The following HDAC9 variants were observed in gnomAD, a reference collection of about 807,000 sequenced individuals.
HDAC9 encodes the protein MEF-2 interacting transcription repressor (MITR) protein.
Under a neutral mutation model 139.4 loss-of-function variants are expected in HDAC9, and 41 were observed. The ratio of observed to expected loss-of-function variants is 0.29; its 90% CI spans 0.23 to 0.38. The LOEUF (loss-of-function observed/expected upper bound fraction) is 0.38, where lower values mean the gene tolerates loss of function less well. Among genes scored for constraint, HDAC9 ranks in the 10% least tolerant of loss-of-function variants. The pLI is 1.00. For synonymous variants in HDAC9, 517 were observed against 476.2 expected (o/e 1.09, Z -1.12); for missense variants, 1,147 against 1,297.0 (o/e 0.88, Z 1.78).
upstream of HDAC9, among the ~76,000 whole-genome samples, chr7:18,287,366 G>C (rs923901966): frequency 6.6e-6 from 1 of 151,990 alleles, no homozygotes; most frequent in African/African-American, 2.4e-5. Context: ...ATACAATAGG[G>C]GATCAAAGTA....
chr7:18,658,172 C>T (rs768405521), intron 11 of HDAC9, among the ~76,000 whole-genome samples: 54 of 152,204 alleles, frequency 3.5e-4, no homozygotes, highest in Admixed American at 3.3e-4. Flanking sequence ...CCTATCACTT[C>T]GAGTTTCATT....
At chr7:18,968,475 A>C (rs1784028748) in intron 24 of HDAC9, among the ~76,000 whole-genome samples, 1 of 152,156 alleles carries the variant, frequency 6.6e-6, no homozygotes, top group African/African-American at 2.4e-5. Flanking sequence ...AAGATATCTA[A>C]TGTTCCATAC....
intron 6 of HDAC9, among the ~76,000 whole-genome samples, chr7:18,618,090 A>C (rs1261939559): frequency 6.6e-6 from 1 of 152,196 alleles, no homozygotes. Context: ...ATTGGCTAAA[A>C]ATTTTCAGAT....
rs984156452 is a variant in HDAC9, at chr7:18,762,051, T to C, written c.2044-106T>C. On this transcript the variant is annotated intron_variant, in intron 14 of 25. Coordinates refer to ENST00000686413, the MANE Select transcript of HDAC9 (RefSeq NM_178425.4). ...AGCAAATCAGTGTCACATTCCTACA[T>C]GATGAAATTCAGCCCATTATTAATC... 7.6e-6 allele frequency: 9 copies of C among 1,190,850 alleles called. No homozygotes were observed. In the African/African-American group the frequency reaches 1.2e-4, roughly 16 times the overall value. 73.8% of individuals were successfully genotyped at this position (1,190,850 alleles called of 1,614,324 possible).
intron 1 of HDAC9, among the ~76,000 whole-genome samples, chr7:18,122,449 A>G (rs1470151020): frequency 6.6e-6 from 1 of 152,208 alleles, no homozygotes. Context: ...TTCATTTTAT[A>G]GCTGAAGAAA....
At chr7:18,458,933 T>C (rs1265374839) in intron 1 of HDAC9, 1 of 1,459,486 alleles carries the variant, frequency 6.9e-7, no homozygotes, top group African/African-American at 1.4e-5. Context: ...TTTCTTTGGT[T>C]TCTTGGGAGT....
In HDAC9 at chr7:18,934,430, T is replaced by C. The variant is rs150930693; in HGVS notation, c.2804-1379T>C. On this transcript the variant is annotated intron_variant, in intron 22 of 25. Coordinates refer to ENST00000686413, the MANE Select transcript of HDAC9 (RefSeq NM_178425.4). ...ATCCAGGTGTGTACTAAAAAGATAATACATTATGACCAAGCTTATTTTACT... is the reference window on the plus strand; with the variant it reads ...ATCCAGGTGTGTACTAAAAAGATAACACATTATGACCAAGCTTATTTTACT... Among the ~76,000 whole-genome samples, 121 of 152,232 alleles carry C rather than the reference T, an allele frequency of 7.9e-4. No homozygotes were observed. In the East Asian group the frequency reaches 0.013, roughly 17 times the overall value.
intron 12 of HDAC9, among the ~76,000 whole-genome samples, chr7:18,701,828 G>T (rs970505902): frequency 1.1e-4 from 16 of 152,210 alleles, no homozygotes; most frequent in African/African-American, 3.9e-4. Flanking sequence ...TGGAGAGAGT[G>T]TAGACTAAGG....
intron 24 of HDAC9, among the ~76,000 whole-genome samples, chr7:18,956,708 CAG>C (rs764240453): frequency 7.9e-5 from 12 of 152,114 alleles, no homozygotes; most frequent in Non-Finnish European, 1.2e-4. Context: ...CCGTGCAACT[CAG>C]GGGGAAGTTC....
At chr7:18,834,324 T>C (rs928625850) in intron 19 of HDAC9, among the ~76,000 whole-genome samples, 3 of 151,316 alleles carry the variant, frequency 2.0e-5, no homozygotes, top group Admixed American at 1.3e-4. Context: ...TATCCACTTT[T>C]GGAGTGGCTC....
At chr7:18,670,140 A>G (rs1193530334) in intron 12 of HDAC9, among the ~76,000 whole-genome samples, 1 of 151,870 alleles carries the variant, frequency 6.6e-6, no homozygotes. Context: ...TAGGTGTGTG[A>G]TTGAAGGTTT....
At chr7:18,556,980 A>G (rs1196359707) in intron 2 of HDAC9, among the ~76,000 whole-genome samples, 2 of 152,020 alleles carry the variant, frequency 1.3e-5, no homozygotes, top group African/African-American at 4.8e-5. Flanking sequence ...ACCTATTAAT[A>G]TTGCTATTTA....
chr7:18,959,350 T>A (rs1336954581), intron 24 of HDAC9, among the ~76,000 whole-genome samples: 2 of 152,188 alleles, frequency 1.3e-5, no homozygotes, highest in South Asian at 2.1e-4. Context: ...AGTTTCCTTT[T>A]ATTTATTTAA....
At chr7:18,247,997 A>G (rs1207450466) in intron 2 of HDAC9, among the ~76,000 whole-genome samples, 1 of 152,192 alleles carries the variant, frequency 6.6e-6, no homozygotes, top group Non-Finnish European at 1.5e-5. Flanking sequence ...CATGGGGAGA[A>G]TATCTGAATA....
At chr7:18,359,471 C>T (rs1383374161) in intron 1 of HDAC9, among the ~76,000 whole-genome samples, 2 of 152,234 alleles carry the variant, frequency 1.3e-5, no homozygotes, top group Non-Finnish European at 2.9e-5. Flanking sequence ...TTTTCCTCAA[C>T]TCTCATTCAC....
intron 1 of HDAC9, among the ~76,000 whole-genome samples, chr7:18,154,178 C>T (rs1786999057): frequency 6.6e-6 from 1 of 151,588 alleles, no homozygotes; most frequent in African/African-American, 2.4e-5. Context: ...GAATGTTTTT[C>T]TTTCTATTAA....
intron 1 of HDAC9, among the ~76,000 whole-genome samples, chr7:18,450,131 A>C (rs1199048889): frequency 6.6e-6 from 1 of 152,190 alleles, no homozygotes; most frequent in South Asian, 2.1e-4. Context: ...TGCCTGGCAA[A>C]TATTGGGCTG....
At chr7:18,199,268 A>T (rs1434868445) in intron 2 of HDAC9, among the ~76,000 whole-genome samples, 4 of 152,166 alleles carry the variant, frequency 2.6e-5, no homozygotes, top group Admixed American at 2.6e-4. Context: ...GATATAATTT[A>T]AAATTATTTA....
chr7:18,482,518 C>A (rs761887664), intron 1 of HDAC9, among the ~76,000 whole-genome samples: 8 of 149,454 alleles, frequency 5.4e-5, no homozygotes, highest in Admixed American at 4.0e-4. Flanking sequence ...TATCTTCCAG[C>A]AATAAATACT....
Sources: allele counts gnomAD v4.1 joint callset (sites outside exome capture counted in the v4.1 genomes callset), GRCh38; gene constraint gnomAD v4.1.1; transcripts MANE v1.5; gene names NCBI Gene and HGNC (gene_info 2026-07-23, HGNC 2026-07-21).